The following ZBTB7A variants were observed in gnomAD, a reference collection of about 807,000 sequenced individuals.
ZBTB7A encodes the protein zinc finger and BTB domain containing 7A.
In ZBTB7A, 7 loss-of-function variants were observed where a neutral mutation model predicts 26.7. The observed-to-expected ratio is 0.26, with a 90% confidence interval of 0.15 to 0.49. The LOEUF (loss-of-function observed/expected upper bound fraction) is 0.49, where lower values mean the gene tolerates loss of function less well. Ranked by LOEUF, ZBTB7A falls within the 20% of genes least tolerant of loss-of-function variation. The probability of loss-of-function intolerance (pLI) is 0.98; values close to 1 mark genes in which losing one functional copy is unlikely to be tolerated. For missense variants in ZBTB7A, 617 were observed against 919.5 expected (o/e 0.67, Z 4.25); for synonymous variants, 452 against 441.0 (o/e 1.02, Z -0.31).
chr19:4,058,618 G>C (rs894707298), intron 1 of ZBTB7A, among the ~76,000 whole-genome samples: 2 of 152,186 alleles, frequency 1.3e-5, no homozygotes, highest in Admixed American at 1.3e-4. Context: ...GAGCCCCTGG[G>C]CAAGGCCCCT....
intron 2 of ZBTB7A, among the ~76,000 whole-genome samples, chr19:4,049,202 ATATATATGT>A (rs1350083927): frequency 0.046 from 2,040 of 44,016 alleles, 173 homozygotes; most frequent in East Asian, 0.23. Context: ...ATATATATAT[ATATATATGT>A]AAGTTTGAGA....
At position 4,048,033 on chromosome 19, in the gene ZBTB7A, C is replaced by T. The variant is rs778851384; in HGVS notation, c.1474G>A (p.Gly492Ser). ...TTGCGGCCGCGGCGCGAGGGGACGC[C>T]GTTGCAGCCGTCTTTCTTGAGGTGT... ...HRHLKKDGCNGVPSRRGRKPR... is the reference protein window; with the variant it reads ...HRHLKKDGCNSVPSRRGRKPR... The change falls in exon 3 of 3, where the codon GGC (glycine) becomes AGC (serine). Residue 492 changes from glycine (G) to serine (S), a missense_variant. By Grantham distance (56) the Gly-to-Ser change is moderately conservative. This residue lies in a region of ZBTB7A where 27 missense variants were observed against 38.7 expected (regional missense o/e 0.70). Coordinates refer to ENST00000322357, the MANE Select transcript of ZBTB7A (RefSeq NM_015898.4). This position sits in a 1 kb window ranked among gnomAD's most constrained non-coding sequence, Gnocchi z 6.7. The T allele has an allele frequency of 9.8e-6, 15 of 1,530,628 alleles. No homozygotes were observed. The highest frequency in any genetic ancestry group is 1.2e-5 in the South Asian group (1 of 82,948). The allele number at this position is 1,530,628 out of a possible 1,614,324, so 94.8% of individuals were successfully genotyped here. A position where few individuals can be genotyped will look rare whatever the true frequency, so the allele number is the denominator to read the frequency against.
chr19:4,061,359 C>T (rs2040635775), intron 1 of ZBTB7A, among the ~76,000 whole-genome samples: 1 of 152,160 alleles, frequency 6.6e-6, no homozygotes, highest in Non-Finnish European at 1.5e-5. Flanking sequence ...CAGGCCCGCA[C>T]CCGGCAGCCC....
At chr19:4,053,814 TGTGTCTGTGC>T (rs1441811937) in intron 2 of ZBTB7A, among the ~76,000 whole-genome samples, 147 bp downstream of exon 2, 1 of 151,532 alleles carries the variant, frequency 6.6e-6, no homozygotes, top group Non-Finnish European at 1.5e-5. Context: ...GTGACGTGCA[TGTGTCTGTGC>T]GTGTACGTGT....
At chr19:4,064,713 G>A (rs1568239286) in intron 1 of ZBTB7A, among the ~76,000 whole-genome samples, 1 of 152,170 alleles carries the variant, frequency 6.6e-6, no homozygotes, top group Non-Finnish European at 1.5e-5. Context: ...AGGTGGGGGG[G>A]CCCACCGAGC....
Position 4,044,179 on chromosome 19 carries a change from A to G in ZBTB7A, c.*3573T>C, listed in dbSNP as rs1186562368. 6.6e-6 allele frequency among the ~76,000 whole-genome samples: 1 copy of G among 151,778 alleles called. No homozygotes were observed. Among genetic ancestry groups the G allele is most frequent in the Non-Finnish European group, 1.5e-5 (1 of 67,922 alleles). On this transcript the variant is annotated 3_prime_UTR_variant, in exon 3 of 3. Coordinates refer to ENST00000322357, the MANE Select transcript of ZBTB7A (RefSeq NM_015898.4). Reference sequence around the variant, plus strand: ...GCCCACTTCCAGGGGAAGACCCTGGAAGAGGCTGGGGGACCCCCCTCGGAA... The same window carrying G: ...GCCCACTTCCAGGGGAAGACCCTGGGAGAGGCTGGGGGACCCCCCTCGGAA...
At position 4,064,178 on chromosome 19, in the gene ZBTB7A, C is replaced by T. The variant is rs1027754688; in HGVS notation, c.-16+2504G>A. Reference sequence around the variant, plus strand: ...CCTCTGCCGATGCGTGGCTGCCCGCCCGGGCCCAGGTGCTGACTGGCCGCC... The same window carrying T: ...CCTCTGCCGATGCGTGGCTGCCCGCTCGGGCCCAGGTGCTGACTGGCCGCC... On this transcript the variant is annotated intron_variant, in intron 1 of 2. Transcript: ENST00000322357. Among the ~76,000 whole-genome samples, 102 of 152,360 alleles carry T rather than the reference C, an allele frequency of 6.7e-4. 1 individual carries two copies. The highest frequency in any genetic ancestry group is 5.7e-4 in the Non-Finnish European group (39 of 68,028).
Position 4,066,727 on chromosome 19 carries a change from G to T in ZBTB7A, c.-61C>A. Reference sequence around the variant, plus strand: ...CGCGCGGGGCCGGGGCCCGAAGTTGGGACTGGGCTCCCTCGGCCGCTCGCC... The same window carrying T: ...CGCGCGGGGCCGGGGCCCGAAGTTGTGACTGGGCTCCCTCGGCCGCTCGCC... On this transcript the variant is annotated 5_prime_UTR_variant, in exon 1 of 3. Coordinates refer to ENST00000322357, the MANE Select transcript of ZBTB7A (RefSeq NM_015898.4). The T allele has an allele frequency of 6.6e-6, 1 of 151,504 alleles. No homozygotes were observed. The highest frequency in any genetic ancestry group is 1.9e-4 in the South Asian group (1 of 5,346). The allele number at this position is 151,504 out of a possible 1,614,324, so 9.4% of individuals were successfully genotyped here. A position where few individuals can be genotyped will look rare whatever the true frequency, so the allele number is the denominator to read the frequency against.
intron 1 of ZBTB7A, among the ~76,000 whole-genome samples, chr19:4,060,044 C>A (rs995599426): frequency 2.0e-5 from 3 of 152,158 alleles, no homozygotes; most frequent in Non-Finnish European, 4.4e-5. Flanking sequence ...CGGCCCACAC[C>A]CACCCGGGGC....
In ZBTB7A at chr19:4,052,637, T is replaced by TG. The variant is rs1312495488; in HGVS notation, c.1262+1333dup. 3.3e-5 allele frequency among the ~76,000 whole-genome samples: 5 copies of TG among 150,552 alleles called. No homozygotes were observed. Among genetic ancestry groups the TG allele is most frequent in the African/African-American group, 1.2e-4 (5 of 41,154 alleles). ...CCCAGGGCGGGCGGGGGGCAGGGGG[T>TG]GGTGCTGAGTCACCCAGCCTGGCCA... On this transcript the variant is annotated intron_variant, in intron 2 of 2. Coordinates refer to ENST00000322357, the MANE Select transcript of ZBTB7A (RefSeq NM_015898.4). The surrounding 1 kb of genome is among the most constrained non-coding windows in gnomAD (Gnocchi z 4.9).
chr19:4,064,316 C>T (rs948470850), intron 1 of ZBTB7A, among the ~76,000 whole-genome samples: 1 of 152,250 alleles, frequency 6.6e-6, no homozygotes, highest in Admixed American at 6.5e-5. Context: ...TTTCCAGCGG[C>T]CGGCTCCTGC....
At position 4,048,253 on chromosome 19, in the gene ZBTB7A, G is replaced by GGGGCACGGGGC; in HGVS notation, c.1263-20_1263-10dup. 1.3e-6 allele frequency: 2 copies of GGGGCACGGGGC among 1,576,772 alleles called. No homozygotes were observed. The highest frequency in any genetic ancestry group is 1.7e-6 in the Non-Finnish European group (2 of 1,168,460). On this transcript the variant is annotated splice_polypyrimidine_tract_variant and intron_variant, in intron 2 of 2. Coordinates refer to ENST00000322357, the MANE Select transcript of ZBTB7A (RefSeq NM_015898.4). The surrounding 1 kb of genome is among the most constrained non-coding windows in gnomAD (Gnocchi z 6.7). ...CCTTCAGCTTGTCCTGCCTGTGGACGGGGCACGGGGCGGGCACGGTCAGTG... is the reference window on the plus strand; with the variant it reads ...CCTTCAGCTTGTCCTGCCTGTGGACGGGGCACGGGGCGGGCACGGGGCGGGCACGGTCAGTG...
chr19:4,059,452 TGAGGCCCTCCCTCAAAGCAGC>T (rs1356046395), intron 1 of ZBTB7A, among the ~76,000 whole-genome samples: 2 of 152,072 alleles, frequency 1.3e-5, no homozygotes, highest in African/African-American at 4.8e-5. Context: ...TAAATATCAC[TGAGGCCCTCCCTCAAAGCAGC>T]GAGGCCCGGG....
In ZBTB7A at chr19:4,052,083, G is replaced by A. The variant is rs1232135036; in HGVS notation, c.1262+1888C>T. Among the ~76,000 whole-genome samples the A allele has an allele frequency of 6.6e-6, 1 of 152,102 alleles. No individual in the cohort carries two copies. The highest frequency in any genetic ancestry group is 1.5e-5 in the Non-Finnish European group (1 of 68,000). ...AAGCAGGTGGGTCTAAATTGGGGTGGGAGGAAGAGGTCTCCACAATTGTCC... is the reference window on the plus strand; with the variant it reads ...AAGCAGGTGGGTCTAAATTGGGGTGAGAGGAAGAGGTCTCCACAATTGTCC... On this transcript the variant is annotated intron_variant, in intron 2 of 2. Coordinates refer to ENST00000322357, the MANE Select transcript of ZBTB7A (RefSeq NM_015898.4). This position sits in a 1 kb window ranked among gnomAD's most constrained non-coding sequence, Gnocchi z 4.9.
At chr19:4,057,781 CAAAAAA>C (rs55908345) in intron 1 of ZBTB7A, among the ~76,000 whole-genome samples, 2 of 84,288 alleles carry the variant, frequency 2.4e-5, no homozygotes, top group African/African-American at 8.0e-5. Context: ...GACTCGTCTC[CAAAAAA>C]AAAAAAAAAA....
intron 2 of ZBTB7A, among the ~76,000 whole-genome samples, chr19:4,053,428 TGC>T (rs1599253720): frequency 6.6e-6 from 1 of 152,300 alleles, no homozygotes; most frequent in East Asian, 1.9e-4. Context: ...CATGTATGTG[TGC>T]GCATGTACGT....
intron 1 of ZBTB7A, among the ~76,000 whole-genome samples, chr19:4,065,254 G>C (rs2145012737): frequency 6.6e-6 from 1 of 150,740 alleles, no homozygotes; most frequent in South Asian, 2.1e-4. Context: ...CCTCCCGCGG[G>C]TCGGAGCCGG....
Position 4,054,540 on chromosome 19 carries a change from C to T in ZBTB7A, c.693G>A (p.Thr231=), listed in dbSNP as rs184606129. Residue 231 remains threonine, a synonymous_variant, in exon 2 of 3, where the codon ACG becomes ACA. Transcript: ENST00000322357. Reference sequence around the variant, plus strand: ...TGCTGTCGCCCTCGTCCCCGTCCCCCGTCGGGGGCCGCTCGGCCGGGGGGC... The same window carrying T: ...TGCTGTCGCCCTCGTCCCCGTCCCCTGTCGGGGGCCGCTCGGCCGGGGGGC... ...GPGPPAERPP[T]GDGDEGDSNP... The T allele has an allele frequency of 6.9e-7, 1 of 1,450,530 alleles. No individual in the cohort carries two copies. Among genetic ancestry groups the T allele is most frequent in the East Asian group, 2.6e-5 (1 of 39,002 alleles). The allele number at this position is 1,450,530 out of a possible 1,614,324, so 89.9% of individuals were successfully genotyped here. A position where few individuals can be genotyped will look rare whatever the true frequency, so the allele number is the denominator to read the frequency against.
At position 4,045,841 on chromosome 19, in the gene ZBTB7A, G is replaced by A. The variant is rs1289084603; in HGVS notation, c.*1911C>T. ...TTGTGGGAGCCAGAGGTTGGGGGGA[G>A]GCAGGTCCCAGTCCCCCTGGATTAC... is the stretch of plus-strand genomic sequence containing the variant. On this transcript the variant is annotated 3_prime_UTR_variant, in exon 3 of 3. Transcript: ENST00000322357. This position sits in a 1 kb window ranked among gnomAD's most constrained non-coding sequence, Gnocchi z 4.1. 2.5e-6 allele frequency: 1 copy of A among 398,860 alleles called. No individual in the cohort carries two copies. Among genetic ancestry groups the A allele is most frequent in the East Asian group, 3.6e-5 (1 of 28,068 alleles). 24.7% of individuals were successfully genotyped at this position (398,860 alleles called of 1,614,324 possible).
Sources: allele counts gnomAD v4.1 joint callset (sites outside exome capture counted in the v4.1 genomes callset), GRCh38; gene constraint gnomAD v4.1.1; regional missense constraint gnomAD v4.1.1; non-coding constraint Gnocchi (gnomAD v3.1); transcripts MANE v1.5; gene names NCBI Gene and HGNC (gene_info 2026-07-23, HGNC 2026-07-21).